FSTL4: variants seen among roughly 807,000 people sequenced by gnomAD.
FSTL4 encodes follistatin like 4.
A neutral mutation model predicts 78.2 loss-of-function variants in FSTL4; 28 were observed. That is an observed-to-expected ratio of 0.36 (90% CI 0.27 to 0.49). The LOEUF is 0.49. Ranked by LOEUF, FSTL4 falls within the 20% of genes least tolerant of loss-of-function variation. The probability of loss-of-function intolerance (pLI) is 0.98; values close to 1 mark genes in which losing one functional copy is unlikely to be tolerated. For missense variants in FSTL4, 922 were observed against 1,084.9 expected (o/e 0.85, Z 2.11); for synonymous variants, 422 against 440.5 (o/e 0.96, Z 0.53).
rs772099992 is a variant in FSTL4, at chr5:133,199,075, A to G, written c.*20T>C. ...AGGACTAGGGGGTGTTCCTTGGCCCAGGGCTCTGCTCTGGGCCCTTCATAC... is the reference window on the plus strand; with the variant it reads ...AGGACTAGGGGGTGTTCCTTGGCCCGGGGCTCTGCTCTGGGCCCTTCATAC... On this transcript the variant is annotated 3_prime_UTR_variant, in exon 16 of 16. Coordinates refer to ENST00000265342, the MANE Select transcript of FSTL4 (RefSeq NM_015082.2). This position sits in a 1 kb window ranked among gnomAD's most constrained non-coding sequence, Gnocchi z 4.4. 23 of 1,446,886 alleles carry G rather than the reference A, an allele frequency of 1.6e-5. No individual in the cohort carries two copies. In the East Asian group the frequency reaches 5.1e-4, roughly 32 times the overall value. 89.6% of individuals were successfully genotyped at this position (1,446,886 alleles called of 1,614,324 possible).
At chr5:133,678,134 T>C in the FSTL4 span, among the ~76,000 whole-genome samples, 1 of 152,218 alleles carries the variant, frequency 6.6e-6, no homozygotes, top group Admixed American at 6.5e-5. Flanking sequence ...AGTCACCATG[T>C]TGTGTGTGGA....
chr5:133,686,517 T>C, the FSTL4 span, among the ~76,000 whole-genome samples: 2 of 152,264 alleles, frequency 1.3e-5, no homozygotes, highest in Non-Finnish European at 2.9e-5. Context: ...ATTGTGTTTA[T>C]TGGATGTGGC....
At chr5:133,402,150 T>C (rs916922841) in intron 3 of FSTL4, among the ~76,000 whole-genome samples, 1 of 152,112 alleles carries the variant, frequency 6.6e-6, no homozygotes, top group African/African-American at 2.4e-5. Flanking sequence ...GTTGCAGTTA[T>C]GGGCAAGAAG....
Position 133,236,373 on chromosome 5 carries a change from G to A in FSTL4, c.895-2836C>T, listed in dbSNP as rs555832844. 7.2e-5 allele frequency among the ~76,000 whole-genome samples: 11 copies of A among 151,990 alleles called. No individual in the cohort carries two copies. The highest frequency in any genetic ancestry group is 2.9e-5 in the Non-Finnish European group (2 of 67,984). On this transcript the variant is annotated intron_variant, in intron 7 of 15. Transcript: ENST00000265342. This position sits in a 1 kb window ranked among gnomAD's most constrained non-coding sequence, Gnocchi z 5.0. ...AACATACGGTCTTCAAGAGGTTACC[G>A]TGTGCCGGGAACTTACACGTCACCT...
At chr5:133,828,543 T>C in the FSTL4 span, among the ~76,000 whole-genome samples, 1 of 152,164 alleles carries the variant, frequency 6.6e-6, no homozygotes, top group Non-Finnish European at 1.5e-5. Flanking sequence ...GAGTGCCCTA[T>C]TTGTCAACTT....
At chr5:133,376,820 C>T (rs1169093615) in intron 4 of FSTL4, among the ~76,000 whole-genome samples, 4 of 146,130 alleles carry the variant, frequency 2.7e-5, no homozygotes, top group African/African-American at 7.7e-5. Flanking sequence ...AACTAGGAGG[C>T]GGAGGTTGCA....
intron 1 of FSTL4, among the ~76,000 whole-genome samples, chr5:133,610,633 A>G (rs1316283648): frequency 6.6e-6 from 1 of 152,194 alleles, no homozygotes; most frequent in Non-Finnish European, 1.5e-5. Context: ...GAGTCTCAGA[A>G]GCTGCATCAC....
At chr5:133,348,611 C>A (rs1019844948) in intron 4 of FSTL4, among the ~76,000 whole-genome samples, 2 of 152,186 alleles carry the variant, frequency 1.3e-5, no homozygotes, top group Non-Finnish European at 2.9e-5. Context: ...GGAGTGCTCA[C>A]GGAGGTGACT....
the FSTL4 span, among the ~76,000 whole-genome samples, chr5:133,672,191 G>A: frequency 7.2e-5 from 11 of 152,068 alleles, no homozygotes; most frequent in South Asian, 2.1e-4. Flanking sequence ...AAACTCAAGC[G>A]GAAGCAATGT....
chr5:133,682,359 T>C, the FSTL4 span, among the ~76,000 whole-genome samples: 7 of 152,214 alleles, frequency 4.6e-5, no homozygotes, highest in Non-Finnish European at 7.3e-5. Flanking sequence ...CACTGCATTG[T>C]TATTTTCTCC....
At chr5:133,466,270 C>A (rs555733724) in intron 3 of FSTL4, among the ~76,000 whole-genome samples, 1 of 152,312 alleles carries the variant, frequency 6.6e-6, no homozygotes, top group East Asian at 1.9e-4. Context: ...CGGCCAGGTG[C>A]GGTGGCTCAA....
At chr5:133,794,642 C>A in the FSTL4 span, among the ~76,000 whole-genome samples, 2 of 152,196 alleles carry the variant, frequency 1.3e-5, no homozygotes, top group East Asian at 3.8e-4. Context: ...TACATAAAAC[C>A]TGACAAGCTG....
chr5:133,691,032 C>A, the FSTL4 span, among the ~76,000 whole-genome samples: 2 of 152,322 alleles, frequency 1.3e-5, no homozygotes, highest in South Asian at 4.1e-4. Context: ...CAATCATAAT[C>A]CTGCCATGCT....
At chr5:133,663,822 CT>C in the FSTL4 span, among the ~76,000 whole-genome samples, 1 of 152,216 alleles carries the variant, frequency 6.6e-6, no homozygotes, top group Non-Finnish European at 1.5e-5. Flanking sequence ...AGACCAGGGC[CT>C]TTGACAACTT....
At chr5:133,820,394 G>A in the FSTL4 span, among the ~76,000 whole-genome samples, 2 of 152,210 alleles carry the variant, frequency 1.3e-5, no homozygotes, top group Non-Finnish European at 2.9e-5. Context: ...GCCATCAGCT[G>A]TGAGGGCACA....
chr5:133,311,941 C>G (rs950817347), intron 6 of FSTL4, among the ~76,000 whole-genome samples: 3 of 152,176 alleles, frequency 2.0e-5, no homozygotes, highest in Non-Finnish European at 4.4e-5. Context: ...CTCTGCTGAC[C>G]CCTGCCTGGA....
At chr5:133,580,183 C>T (rs958422048) in intron 2 of FSTL4, among the ~76,000 whole-genome samples, 1 of 152,176 alleles carries the variant, frequency 6.6e-6, no homozygotes, top group Non-Finnish European at 1.5e-5. Flanking sequence ...CTGAGCATCT[C>T]CTCTGGCCCC....
chr5:133,680,682 C>T, the FSTL4 span, among the ~76,000 whole-genome samples: 1 of 152,190 alleles, frequency 6.6e-6, no homozygotes, highest in South Asian at 2.1e-4. Flanking sequence ...TGAGACAAGG[C>T]TCTTCCTTAT....
chr5:133,603,770 C>G (rs1341850022), intron 2 of FSTL4, 88 bp downstream of exon 2: 2 of 1,436,998 alleles, frequency 1.4e-6, no homozygotes, highest in South Asian at 1.2e-5. Context: ...TCTAACTGAT[C>G]TAAACTAAAG....
Sources: gnomAD v4.1 joint callset for allele counts (sites outside exome capture counted in the v4.1 genomes callset) on GRCh38, gnomAD v4.1.1 for gene constraint, Gnocchi (gnomAD v3.1) non-coding constraint, MANE v1.5 for transcripts, NCBI Gene and HGNC (gene_info 2026-07-23, HGNC 2026-07-21) for gene names.